Variants in TGFA observed in about 807,000 individuals in gnomAD.
The protein encoded by TGFA is transforming growth factor alpha.
In TGFA, 12 loss-of-function variants were observed where a neutral mutation model predicts 21.7. That is an observed-to-expected ratio of 0.55 (90% CI 0.35 to 0.90). The LOEUF (loss-of-function observed/expected upper bound fraction) is 0.90, where lower values mean the gene tolerates loss of function less well. Among genes scored for constraint, TGFA ranks in the 40% least tolerant of loss-of-function variants. TGFA has a pLI of 0.01. For missense variants in TGFA, 178 were observed against 210.8 expected, an observed-to-expected ratio of 0.84 and a Z score of 0.96; for synonymous variants, 79 against 88.1, an observed-to-expected ratio of 0.90 and a Z score of 0.58.
At chr2:70,527,561 A>C (rs1672675037) in intron 1 of TGFA, among the ~76,000 whole-genome samples, 1 of 152,250 alleles carries the variant, frequency 6.6e-6, no homozygotes, top group Admixed American at 6.5e-5. Context: ...TAGAATGTAC[A>C]ACTACAAGAG....
chr2:70,546,625 T>C (rs1218688373), intron 1 of TGFA, among the ~76,000 whole-genome samples: 1 of 151,888 alleles, frequency 6.6e-6, no homozygotes, highest in Non-Finnish European at 1.5e-5. Flanking sequence ...AGGCATGCAC[T>C]ACCACACCCC....
intron 1 of TGFA, among the ~76,000 whole-genome samples, chr2:70,527,254 G>C (rs1176955557): frequency 6.6e-6 from 1 of 152,176 alleles, no homozygotes; most frequent in African/African-American, 2.4e-5. Flanking sequence ...CATACAATGG[G>C]ATATTATACA....
chr2:70,489,190 C>T (rs1671352576), intron 2 of TGFA, among the ~76,000 whole-genome samples: 1 of 152,190 alleles, frequency 6.6e-6, no homozygotes, highest in Non-Finnish European at 1.5e-5. Context: ...TGGCTCTGTG[C>T]CACAGGCAGA....
intron 3 of TGFA, among the ~76,000 whole-genome samples, chr2:70,456,941 T>C (rs1574067722): frequency 6.6e-6 from 1 of 152,214 alleles, no homozygotes; most frequent in East Asian, 1.9e-4. Flanking sequence ...CTTTTTATCT[T>C]CTTCAAGTTT....
chr2:70,544,911 G>A (rs782167215), intron 1 of TGFA, among the ~76,000 whole-genome samples: 23 of 151,964 alleles, frequency 1.5e-4, no homozygotes, highest in African/African-American at 3.6e-4. Flanking sequence ...TGGTTAAAGC[G>A]TACAAAAAAT....
chr2:70,521,379 G>A (rs1553502235), intron 1 of TGFA, among the ~76,000 whole-genome samples: 1 of 152,072 alleles, frequency 6.6e-6, no homozygotes, highest in Non-Finnish European at 1.5e-5. Flanking sequence ...TGGTGCCTTG[G>A]GTTCATGCTA....
At chr2:70,481,736 G>T (rs781835020) in intron 2 of TGFA, among the ~76,000 whole-genome samples, 4 of 152,160 alleles carry the variant, frequency 2.6e-5, no homozygotes, top group Admixed American at 6.5e-5. Flanking sequence ...TCTCTCTCTT[G>T]GATTGGTCAC....
intron 1 of TGFA, among the ~76,000 whole-genome samples, chr2:70,519,606 GATATT>G (rs1433453920): frequency 6.6e-6 from 1 of 152,154 alleles, no homozygotes; most frequent in African/African-American, 2.4e-5. Context: ...AACTCATTGG[GATATT>G]AAGGTCAAAA....
intron 2 of TGFA, among the ~76,000 whole-genome samples, chr2:70,471,611 G>A (rs1199977948): frequency 6.6e-6 from 1 of 152,212 alleles, no homozygotes; most frequent in Non-Finnish European, 1.5e-5. Flanking sequence ...GGTCAGCCCA[G>A]GCAGACAAGG....
intron 1 of TGFA, among the ~76,000 whole-genome samples, chr2:70,521,609 G>GTTGTTTTTTTTTT (rs1432347684): frequency 1.8e-4 from 14 of 78,890 alleles, no homozygotes; most frequent in South Asian, 1.5e-3. Context: ...TTTTGTTGTT[G>GTTGTTTTTTTTTT]TTTGTTTGTT....
intron 2 of TGFA, among the ~76,000 whole-genome samples, chr2:70,469,271 C>T (rs1243293151): frequency 1.3e-5 from 2 of 152,026 alleles, no homozygotes; most frequent in African/African-American, 2.4e-5. Context: ...AAAGTCAGGC[C>T]TATTGAAATA....
intron 1 of TGFA, 109 bp from the exon 2 acceptor site, chr2:70,515,021 A>G: frequency 2.1e-6 from 2 of 971,018 alleles, no homozygotes; most frequent in Non-Finnish European, 3.1e-6. Flanking sequence ...GTAGTTTCAC[A>G]GAGTGGCCGG....
At chr2:70,476,301 G>A (rs1276504387) in intron 2 of TGFA, among the ~76,000 whole-genome samples, 1 of 152,030 alleles carries the variant, frequency 6.6e-6, no homozygotes, top group Non-Finnish European at 1.5e-5. Flanking sequence ...TTACTTCCAA[G>A]TTCCATTCAC....
At chr2:70,510,957 A>C (rs1223161896) in intron 2 of TGFA, among the ~76,000 whole-genome samples, 1 of 151,796 alleles carries the variant, frequency 6.6e-6, no homozygotes, top group Admixed American at 6.6e-5. Flanking sequence ...CCTGGGCAAC[A>C]TAGCAAGATC....
chr2:70,515,351 G>A (rs2103856655), intron 1 of TGFA, among the ~76,000 whole-genome samples: 1 of 152,186 alleles, frequency 6.6e-6, no homozygotes, highest in East Asian at 1.9e-4. Flanking sequence ...TGCTATTTAT[G>A]TCATTGCTGT....
chr2:70,529,121 G>A (rs1257293790), intron 1 of TGFA, among the ~76,000 whole-genome samples: 1 of 152,248 alleles, frequency 6.6e-6, no homozygotes, highest in Non-Finnish European at 1.5e-5. Flanking sequence ...TTGGGACCAA[G>A]TCAGGTGTGT....
chr2:70,455,725 A>C (rs1670207987), intron 4 of TGFA, among the ~76,000 whole-genome samples: 1 of 152,176 alleles, frequency 6.6e-6, no homozygotes. Flanking sequence ...CTGACCCTGC[A>C]CAGCAGTCCA....
chr2:70,522,623 C>T (rs991858177), intron 1 of TGFA, among the ~76,000 whole-genome samples: 1 of 152,010 alleles, frequency 6.6e-6, no homozygotes, highest in Admixed American at 6.6e-5. Context: ...TTGGTACAGA[C>T]GAGGTTTCAC....
chr2:70,529,701 G>A (rs1553503505), intron 1 of TGFA, among the ~76,000 whole-genome samples: 2 of 152,158 alleles, frequency 1.3e-5, no homozygotes, highest in East Asian at 3.8e-4. Context: ...GGGAGCACTA[G>A]GGGCCTGGAC....
Sources: gnomAD v4.1 joint callset for allele counts (sites outside exome capture counted in the v4.1 genomes callset) on GRCh38, gnomAD v4.1.1 for gene constraint, MANE v1.5 for transcripts, NCBI Gene and HGNC (gene_info 2026-07-23, HGNC 2026-07-21) for gene names.